Variants in CSMD1 observed in about 807,000 individuals in gnomAD.
CSMD1 encodes CUB and sushi domain-containing protein 1.
In CSMD1, 213 loss-of-function variants were observed where a neutral mutation model predicts 417.5. That is an observed-to-expected ratio of 0.51 (90% CI 0.46 to 0.57). The LOEUF (loss-of-function observed/expected upper bound fraction) is 0.57, where lower values mean the gene tolerates loss of function less well. Ranked by LOEUF, CSMD1 falls within the 20% of genes least tolerant of loss-of-function variation. CSMD1 has a pLI of 0.00. For missense variants in CSMD1, 6,923 were observed against 4,529.7 expected (o/e 1.53, Z -15.17); for synonymous variants, 2,862 against 1,736.8 (o/e 1.65, Z -16.11).
At chr8:3,390,336 C>T (rs1301860781) in intron 17 of CSMD1, among the ~76,000 whole-genome samples, 1 of 108,110 alleles carries the variant, frequency 9.2e-6, no homozygotes, top group South Asian at 3.2e-4. Context: ...GCCTGGGCGA[C>T]AGAGCAAGAC....
intron 1 of CSMD1, among the ~76,000 whole-genome samples, chr8:4,761,580 T>G (rs2117097196): frequency 6.6e-6 from 1 of 152,252 alleles, no homozygotes; most frequent in East Asian, 1.9e-4. Context: ...TTAACATAGC[T>G]GCGATGGTTA....
intron 5 of CSMD1, among the ~76,000 whole-genome samples, chr8:3,926,214 A>T (rs1809715947): frequency 6.6e-6 from 1 of 152,152 alleles, no homozygotes; most frequent in Non-Finnish European, 1.5e-5. Flanking sequence ...CTAATAACGT[A>T]TGTTGATTTA....
At chr8:3,451,231 G>A (rs1316263933) in intron 12 of CSMD1, among the ~76,000 whole-genome samples, 1 of 152,156 alleles carries the variant, frequency 6.6e-6, no homozygotes, top group Non-Finnish European at 1.5e-5. Context: ...TGTCAGATGA[G>A]TACATTGCAA....
intron 1 of CSMD1, among the ~76,000 whole-genome samples, chr8:4,863,661 A>C (rs529811234): frequency 1.3e-5 from 2 of 152,044 alleles, no homozygotes; most frequent in South Asian, 2.1e-4. Context: ...AGAATGTCTA[A>C]TTTGAATCTA....
rs1336517359 is a variant in CSMD1, at chr8:4,862,080, G to T, written c.85+132252C>A. The stretch of plus-strand genomic sequence containing the variant: ...TCAGGGAAATGCTACTGGGAATGGC[G>T]TCTTCTGATCCAAGAAGGAAGGAAG... On this transcript the variant is annotated intron_variant, in intron 1 of 69. Transcript: ENST00000635120. 2.0e-5 allele frequency among the ~76,000 whole-genome samples: 3 copies of T among 152,178 alleles called. No individual in the cohort carries two copies. The Middle Eastern group carries it at 0.01, about 518-fold the overall frequency.
chr8:4,179,877 G>C (rs1798258620), intron 3 of CSMD1, among the ~76,000 whole-genome samples: 1 of 152,130 alleles, frequency 6.6e-6, no homozygotes. Flanking sequence ...ACCACAATGA[G>C]ATACCATCTC....
intron 25 of CSMD1, among the ~76,000 whole-genome samples, chr8:3,307,029 G>C (rs930780371): frequency 7.2e-5 from 9 of 124,172 alleles, no homozygotes; most frequent in Non-Finnish European, 5.6e-5. Context: ...AGTTACTTTG[G>C]TATAATTGCA....
chr8:4,735,342 A>C (rs1810160173), intron 1 of CSMD1, among the ~76,000 whole-genome samples: 1 of 152,156 alleles, frequency 6.6e-6, no homozygotes, highest in Non-Finnish European at 1.5e-5. Flanking sequence ...CCAGGATCTA[A>C]ACCTGGATTT....
intron 3 of CSMD1, among the ~76,000 whole-genome samples, chr8:4,373,850 A>T (rs533012648): frequency 5.9e-5 from 9 of 152,182 alleles, no homozygotes; most frequent in Admixed American, 3.3e-4. Context: ...TTTTCTATGT[A>T]TATGTATAAT....
At chr8:4,332,573 AC>A (rs1799929273) in intron 3 of CSMD1, among the ~76,000 whole-genome samples, 1 of 120,616 alleles carries the variant, frequency 8.3e-6, no homozygotes, top group Non-Finnish European at 1.7e-5. Flanking sequence ...ACACACACAC[AC>A]ACACACACAC....
At chr8:4,231,308 A>C (rs1262087312) in intron 3 of CSMD1, among the ~76,000 whole-genome samples, 2 of 152,220 alleles carry the variant, frequency 1.3e-5, no homozygotes, top group Non-Finnish European at 2.9e-5. Flanking sequence ...TGAGGCTCAG[A>C]GTCATGGGTC....
intron 1 of CSMD1, among the ~76,000 whole-genome samples, chr8:4,663,794 A>T (rs1161745419): frequency 6.6e-6 from 1 of 152,222 alleles, no homozygotes; most frequent in African/African-American, 2.4e-5. Flanking sequence ...TAAGTGCTGT[A>T]GCAGAGCGCC....
In CSMD1 at chr8:3,826,050, G is replaced by A. The variant is rs142578043; in HGVS notation, c.819-72008C>T. On this transcript the variant is annotated intron_variant, in intron 5 of 69. Coordinates refer to ENST00000635120, the MANE Select transcript of CSMD1 (RefSeq NM_033225.6). ...CCAACGTGTTGTCTTTCAAATGGAGGCCCACATAGACATCTTTTGTAACAC... is the reference window on the plus strand; with the variant it reads ...CCAACGTGTTGTCTTTCAAATGGAGACCCACATAGACATCTTTTGTAACAC... Among the ~76,000 whole-genome samples the A allele has an allele frequency of 1.3e-3, 196 of 152,188 alleles. 2 individuals are homozygous for A. Among genetic ancestry groups the A allele is most frequent in the South Asian group, 4.8e-3 (23 of 4,820 alleles).
rs181299544 is a variant in CSMD1 at position 4,325,196 on chromosome 8, G to A, written c.415+94757C>T. On this transcript the variant is annotated intron_variant, in intron 3 of 69. Transcript: ENST00000635120. ...TAAATATAACAAAGGAAACTGTCATGAAAACAGATGATACATTTCCAGGGA... is the reference window on the plus strand; with the variant it reads ...TAAATATAACAAAGGAAACTGTCATAAAAACAGATGATACATTTCCAGGGA... 3.8e-3 allele frequency among the ~76,000 whole-genome samples: 582 copies of A among 152,264 alleles called. 6 individuals are homozygous for A. Among genetic ancestry groups the A allele is most frequent in the Non-Finnish European group, 3.3e-3 (224 of 68,012 alleles).
chr8:4,716,222 A>C (rs1003355897), intron 1 of CSMD1, among the ~76,000 whole-genome samples: 1 of 152,192 alleles, frequency 6.6e-6, no homozygotes, highest in Admixed American at 6.5e-5. Context: ...TAGAGAACAG[A>C]AGGCTGTCTG....
At chr8:4,926,225 T>C (rs1806860342) in intron 1 of CSMD1, among the ~76,000 whole-genome samples, 1 of 152,234 alleles carries the variant, frequency 6.6e-6, no homozygotes, top group African/African-American at 2.4e-5. Flanking sequence ...TGCTATTACA[T>C]TTATTTTTTC....
intron 3 of CSMD1, among the ~76,000 whole-genome samples, chr8:4,267,811 G>A (rs560585194): frequency 6.6e-6 from 1 of 152,152 alleles, no homozygotes; most frequent in South Asian, 2.1e-4. Flanking sequence ...TACATTGCAG[G>A]TGTGCAAAAT....
intron 2 of CSMD1, among the ~76,000 whole-genome samples, chr8:4,506,413 C>T (rs1231018056): frequency 1.3e-5 from 2 of 152,060 alleles, no homozygotes; most frequent in African/African-American, 2.4e-5. Flanking sequence ...AAGTGATGAA[C>T]GCCGCACTTC....
chr8:3,954,251 G>A (rs979602381), intron 5 of CSMD1, among the ~76,000 whole-genome samples: 3 of 152,230 alleles, frequency 2.0e-5, no homozygotes, highest in African/African-American at 4.8e-5. Flanking sequence ...AGGAGTGGAA[G>A]TTTATTTTAA....
Sources: allele counts gnomAD v4.1 joint callset (sites outside exome capture counted in the v4.1 genomes callset), GRCh38; gene constraint gnomAD v4.1.1; transcripts MANE v1.5; gene names NCBI Gene and HGNC (gene_info 2026-07-23, HGNC 2026-07-21).